USP13: variants seen among roughly 807,000 people sequenced by gnomAD.
USP13 encodes ubiquitin carboxyl-terminal hydrolase 13.
In USP13, 68 loss-of-function variants were observed where a neutral mutation model predicts 107.8. The ratio of observed to expected loss-of-function variants is 0.63; its 90% confidence interval spans 0.52 to 0.77. The LOEUF (loss-of-function observed/expected upper bound fraction) is 0.77, where lower values mean the gene tolerates loss of function less well. USP13 is among the 30% of genes least tolerant of loss of function. The pLI is 0.00. For missense variants in USP13, 945 were observed against 1,093.3 expected, an observed-to-expected ratio of 0.86 and a Z score of 1.91; for synonymous variants, 377 against 389.5, an observed-to-expected ratio of 0.97 and a Z score of 0.38.
intron 14 of USP13, among the ~76,000 whole-genome samples, chr3:179,753,392 G>A (rs1374978112): frequency 6.6e-6 from 1 of 152,176 alleles, no homozygotes; most frequent in Admixed American, 6.5e-5. Flanking sequence ...GCAGGATGCT[G>A]ACCACTCAGC....
At chr3:179,775,495 C>T (rs182160499) in intron 19 of USP13, among the ~76,000 whole-genome samples, 73 of 152,378 alleles carry the variant, frequency 4.8e-4, no homozygotes, top group South Asian at 1.2e-3. Flanking sequence ...TGGAGCTGCC[C>T]GCCAGTTCCG....
chr3:179,758,729 A>G (rs898203889), intron 16 of USP13, among the ~76,000 whole-genome samples: 3 of 151,988 alleles, frequency 2.0e-5, no homozygotes, highest in African/African-American at 7.3e-5. Context: ...CCATCTCCTG[A>G]CCTCGTGATC....
rs921742953 is a variant in USP13, at chr3:179,742,745, C to T, written c.1534+395C>T. 2.0e-5 allele frequency among the ~76,000 whole-genome samples: 3 copies of T among 152,126 alleles called. No individual in the cohort carries two copies. Among genetic ancestry groups the T allele is most frequent in the South Asian group, 2.1e-4 (1 of 4,824 alleles). On this transcript the variant is annotated intron_variant, in intron 12 of 20. Coordinates refer to ENST00000263966, the MANE Select transcript of USP13 (RefSeq NM_003940.3). This position sits in a 1 kb window ranked among gnomAD's most constrained non-coding sequence, Gnocchi z 5.0. ...ACTGCATTTTTTAAAGTTAGACATT[C>T]GAGCAGAGGTCTCTTGAAATAATCC... is the stretch of plus-strand genomic sequence containing the variant.
At chr3:179,766,230 G>A (rs779236528) in intron 19 of USP13, among the ~76,000 whole-genome samples, 2 of 151,702 alleles carry the variant, frequency 1.3e-5, no homozygotes, top group African/African-American at 4.8e-5. Flanking sequence ...TGCCTGTCTC[G>A]GCCTCCCAAA....
rs1299829596 is a variant in USP13, at chr3:179,765,736, C to T, written c.2301C>T (p.His767=). ...GAGCACTGGATTGGATCTTTAGCCA[C>T]CCTGAGTTTGAAGAAGACAGTGATT... is the stretch of plus-strand genomic sequence containing the variant. ...LERALDWIFS[H]PEFEEDSDFV... Residue 767 remains histidine (H), a synonymous_variant, in exon 19 of 21, where the codon CAC becomes CAT. Transcript: ENST00000263966. 6.2e-7 allele frequency: 1 copy of T among 1,613,968 alleles called. No homozygotes were observed. The highest frequency in any genetic ancestry group is 8.5e-7 in the Non-Finnish European group (1 of 1,179,972).
At chr3:179,782,869 C>T (rs1715794191) in intron 20 of USP13, among the ~76,000 whole-genome samples, 1 of 152,112 alleles carries the variant, frequency 6.6e-6, no homozygotes, top group African/African-American at 2.4e-5. Flanking sequence ...CCTCAGTCTC[C>T]CAAGTAGCTG....
intron 19 of USP13, among the ~76,000 whole-genome samples, chr3:179,770,035 C>T (rs967576039): frequency 2.0e-5 from 3 of 152,194 alleles, no homozygotes; most frequent in Non-Finnish European, 2.9e-5. Context: ...GTTTCCCCAA[C>T]GTTCCCCAGC....
intron 19 of USP13, among the ~76,000 whole-genome samples, chr3:179,767,682 C>T (rs939761599): frequency 1.3e-5 from 2 of 152,074 alleles, no homozygotes; most frequent in African/African-American, 4.8e-5. Context: ...AGGAGCTTGC[C>T]CAGGGCAGAG....
At chr3:179,697,550 A>G (rs934035273) in intron 3 of USP13, among the ~76,000 whole-genome samples, 5 of 152,094 alleles carry the variant, frequency 3.3e-5, no homozygotes, top group Admixed American at 6.5e-5. Context: ...ATATTTATTT[A>G]TTTATTTTTA....
In USP13 at chr3:179,764,011, A is replaced by G; in HGVS notation, c.2102A>G (p.Glu701Gly). ...IVHMEEPDFA[E>G]PLTMPGYGGA... ...TGGTTATTTTTCTCAGATTTTGCTGAGCCGCTGACCATGCCTGGTTATGGA... is the reference window on the plus strand; with the variant it reads ...TGGTTATTTTTCTCAGATTTTGCTGGGCCGCTGACCATGCCTGGTTATGGA... Residue 701 changes from glutamate to glycine, a missense_variant, in exon 18 of 21, where the codon GAG (glutamate) becomes GGG (glycine). Coordinates refer to ENST00000263966, the MANE Select transcript of USP13 (RefSeq NM_003940.3). The G allele has an allele frequency of 6.2e-7, 1 of 1,602,676 alleles. No homozygotes were observed. Among genetic ancestry groups the G allele is most frequent in the Non-Finnish European group, 8.5e-7 (1 of 1,175,862 alleles).
chr3:179,739,493 C>G (rs1388526927), intron 10 of USP13, among the ~76,000 whole-genome samples: 2 of 152,358 alleles, frequency 1.3e-5, no homozygotes, highest in East Asian at 3.9e-4. Context: ...GAGGGGTCCT[C>G]TCCTATACCC....
At chr3:179,740,118 T>C in intron 10 of USP13, 129 bp from the exon 11 acceptor site, 2 of 1,350,826 alleles carry the variant, frequency 1.5e-6, no homozygotes, top group Non-Finnish European at 2.0e-6. Flanking sequence ...ACTATCATTA[T>C]TTACCTTCTT....
At chr3:179,715,748 G>A (rs528816575) in intron 6 of USP13, among the ~76,000 whole-genome samples, 2 of 152,248 alleles carry the variant, frequency 1.3e-5, no homozygotes, top group Admixed American at 6.5e-5. Flanking sequence ...GAGGCACACA[G>A]ATGTGAACTC....
chr3:179,665,608 CAG>C (rs1720564468), intron 1 of USP13, among the ~76,000 whole-genome samples: 1 of 152,044 alleles, frequency 6.6e-6, no homozygotes, highest in Non-Finnish European at 1.5e-5. Flanking sequence ...TTTTTTGAGA[CAG>C]AGTCTTGCTG....
chr3:179,759,138 CGCCTG>C (rs1377969142), intron 16 of USP13, among the ~76,000 whole-genome samples: 2 of 151,974 alleles, frequency 1.3e-5, no homozygotes, highest in African/African-American at 4.8e-5. Context: ...TGCACCACCA[CGCCTG>C]GCTAATTTTT....
intron 13 of USP13, among the ~76,000 whole-genome samples, chr3:179,746,240 A>G (rs1714404219): frequency 6.8e-6 from 1 of 147,250 alleles, no homozygotes; most frequent in Non-Finnish European, 1.5e-5. Context: ...ATATATATAC[A>G]TATAATATAT....
At position 179,789,112 on chromosome 3, in the gene USP13, G is replaced by A. The variant is rs962205860; in HGVS notation, c.*4971G>A. The A allele has an allele frequency of 1.3e-5, 2 of 152,094 alleles. No individual in the cohort carries two copies. Among genetic ancestry groups the A allele is most frequent in the African/African-American group, 4.8e-5 (2 of 41,400 alleles). The allele number at this position is 152,094 out of a possible 1,614,324, so 9.4% of individuals were successfully genotyped here. On this transcript the variant is annotated 3_prime_UTR_variant, in exon 21 of 21. Coordinates refer to ENST00000263966, the MANE Select transcript of USP13 (RefSeq NM_003940.3). ...TCCTCTTGTGGTTTCCCCTCCCCAGGTATTGTTGAGTCTGTTCAAAGCTGG... is the reference window on the plus strand; with the variant it reads ...TCCTCTTGTGGTTTCCCCTCCCCAGATATTGTTGAGTCTGTTCAAAGCTGG...
chr3:179,753,282 A>G (rs977467032), intron 14 of USP13, among the ~76,000 whole-genome samples: 1 of 152,202 alleles, frequency 6.6e-6, no homozygotes, highest in African/African-American at 2.4e-5. Context: ...GTTACGCAGC[A>G]CTTGTTTGCC....
At chr3:179,754,662 G>A in intron 14 of USP13, 70 bp from the exon 15 acceptor site, 2 of 1,551,656 alleles carry the variant, frequency 1.3e-6, no homozygotes, top group East Asian at 2.3e-5. Context: ...TGCATGTAGA[G>A]TTATAGTGCT....
Sources: gnomAD v4.1 joint callset for allele counts (sites outside exome capture counted in the v4.1 genomes callset) on GRCh38, gnomAD v4.1.1 for gene constraint, Gnocchi (gnomAD v3.1) non-coding constraint, MANE v1.5 for transcripts, NCBI Gene and HGNC (gene_info 2026-07-23, HGNC 2026-07-21) for gene names.